NBDY: variants seen among roughly 807,000 people sequenced by gnomAD.
NBDY encodes P-body dissociating protein.
intron 2 of NBDY, among the ~76,000 whole-genome samples, chrX:56,791,036 C>T (rs1037266245): frequency 1.8e-5 from 2 of 112,381 alleles, no homozygotes; most frequent in African/African-American, 6.5e-5. Context: ...TGTGAAGCCA[C>T]GGAAGGCCAC....
At chrX:56,797,096 CTTCT>C (rs2069795887) in intron 2 of NBDY, among the ~76,000 whole-genome samples, 3 of 109,282 alleles carry the variant, frequency 2.7e-5, no homozygotes, top group African/African-American at 1.0e-4. Flanking sequence ...TCTCCTTCTT[CTTCT>C]TTTTCTTTCC....
At chrX:56,756,878 C>A (rs2069614121) in intron 2 of NBDY, among the ~76,000 whole-genome samples, 1 of 110,647 alleles carries the variant, frequency 9.0e-6, no homozygotes, top group African/African-American at 3.3e-5. Context: ...ATCACTTGAA[C>A]CAGGAGGCGG....
chrX:56,789,761 A>C (rs749335057), intron 2 of NBDY, among the ~76,000 whole-genome samples: 195 of 111,143 alleles, frequency 1.8e-3, no homozygotes, highest in Middle Eastern at 4.6e-3. Flanking sequence ...TCCTGGAGAG[A>C]GAGCCACTTG....
chrX:56,805,767 C>G (rs1334045554), intron 2 of NBDY, among the ~76,000 whole-genome samples: 4 of 112,042 alleles, frequency 3.6e-5, no homozygotes, highest in Non-Finnish European at 7.5e-5. Flanking sequence ...CCAATTCACT[C>G]TCATCCTCAT....
chrX:56,804,517 C>T (rs1306978112), intron 2 of NBDY, among the ~76,000 whole-genome samples: 1 of 112,339 alleles, frequency 8.9e-6, no homozygotes, highest in Non-Finnish European at 1.9e-5. Context: ...CCCCGGGCAT[C>T]TTAGTCATTC....
At position 56,817,642 on chromosome X, in the gene NBDY, C is replaced by G. The variant is rs1006102215; in HGVS notation, c.*489C>G. The G allele has an allele frequency of 1.1e-4, 12 of 112,095 alleles. No individual in the cohort carries two copies. The highest frequency in any genetic ancestry group is 3.9e-4 in the African/African-American group (12 of 30,887). 9.2% of individuals were successfully genotyped at this position (112,095 alleles called of 1,213,427 possible). A position where few individuals can be genotyped will look rare whatever the true frequency, so the allele number is the denominator to read the frequency against. ...TTAAGTAAATATTTTATAAGAACTCCTATGTAAAGCATTACTAAAATTAGT... is the reference window on the plus strand; with the variant it reads ...TTAAGTAAATATTTTATAAGAACTCGTATGTAAAGCATTACTAAAATTAGT... On this transcript the variant is annotated 3_prime_UTR_variant, in exon 3 of 3. Transcript: ENST00000374922.
chrX:56,805,812 T>C (rs765334556), intron 2 of NBDY, among the ~76,000 whole-genome samples: 19 of 112,009 alleles, frequency 1.7e-4, no homozygotes, highest in Non-Finnish European at 3.2e-4. Flanking sequence ...TTTTGGAGTT[T>C]TTCTCCCTTC....
rs1009528717 is a variant in NBDY, at chrX:56,811,804, G to GA, written c.*167-5507dup. Among the ~76,000 whole-genome samples the GA allele has an allele frequency of 1.0e-3, 114 of 108,971 alleles. 2 individuals are homozygous for GA. Among genetic ancestry groups the GA allele is most frequent in the Admixed American group, 8.2e-3 (84 of 10,292 alleles). 94.6% of individuals were successfully genotyped at this position (108,971 alleles called of 115,157 possible). ...GGACTTCTGAGTGCCACTGAGGCAT[G>GA]AAAAAAAAACAACTTTTGTGGCTAG... On this transcript the variant is annotated intron_variant, in intron 2 of 2. Coordinates refer to ENST00000374922, the MANE Select transcript of NBDY (RefSeq NM_001348129.2).
intron 2 of NBDY, among the ~76,000 whole-genome samples, chrX:56,799,769 C>G (rs1388789383): frequency 1.8e-5 from 2 of 112,469 alleles, no homozygotes; most frequent in Non-Finnish European, 3.8e-5. Context: ...ACAAAAAAAA[C>G]AAAGAAACAA....
At chrX:56,799,441 T>G (rs1430993473) in intron 2 of NBDY, among the ~76,000 whole-genome samples, 1 of 113,232 alleles carries the variant, frequency 8.8e-6, no homozygotes, top group Non-Finnish European at 1.9e-5. Flanking sequence ...GGCTGACTGG[T>G]CTTGGGGCTG....
chrX:56,763,350 A>G (rs1474764333), intron 2 of NBDY, among the ~76,000 whole-genome samples: 3 of 111,871 alleles, frequency 2.7e-5, no homozygotes, highest in Non-Finnish European at 5.6e-5. Context: ...AACCCAGGAC[A>G]GCCTGAGCAG....
chrX:56,732,322 A>G, intron 2 of NBDY, 123 bp downstream of exon 2: 1 of 278,625 alleles, frequency 3.6e-6, no homozygotes, highest in Non-Finnish European at 6.3e-6. Context: ...TTGAAACTAT[A>G]TTCTACATTA....
intron 1 of NBDY, among the ~76,000 whole-genome samples, chrX:56,729,909 T>C (rs2069448310): frequency 9.1e-6 from 1 of 110,132 alleles, no homozygotes; most frequent in Non-Finnish European, 1.9e-5. Flanking sequence ...TGCTCATGAG[T>C]TGATAATTTA....
chrX:56,794,034 A>G (rs1269347676), intron 2 of NBDY, among the ~76,000 whole-genome samples: 2 of 112,207 alleles, frequency 1.8e-5, no homozygotes, highest in Non-Finnish European at 3.8e-5. Context: ...TCCCTTATGC[A>G]CATCTCAAAA....
At chrX:56,784,907 A>G (rs1006247769) in intron 2 of NBDY, among the ~76,000 whole-genome samples, 1 of 112,558 alleles carries the variant, frequency 8.9e-6, no homozygotes, top group African/African-American at 3.2e-5. Flanking sequence ...TATGCTACCC[A>G]TGCCGCTCAG....
At chrX:56,754,556 C>T (rs2069600362) in intron 2 of NBDY, among the ~76,000 whole-genome samples, 1 of 111,815 alleles carries the variant, frequency 8.9e-6, no homozygotes, top group African/African-American at 3.3e-5. Context: ...ATCTAAAAAT[C>T]AATAACAGAG....
chrX:56,765,488 C>T (rs1276631374), intron 2 of NBDY, among the ~76,000 whole-genome samples: 1 of 111,772 alleles, frequency 8.9e-6, no homozygotes, highest in Non-Finnish European at 1.9e-5. Context: ...AATACCCCAT[C>T]AACAAGACGC....
chrX:56,756,223 A>G (rs2069610222), intron 2 of NBDY, among the ~76,000 whole-genome samples: 1 of 108,475 alleles, frequency 9.2e-6, no homozygotes, highest in Non-Finnish European at 1.9e-5. Flanking sequence ...GCACACCAGC[A>G]TGGCACATGT....
Position 56,783,665 on chromosome X carries a change from G to A in NBDY, c.*167-33655G>A, listed in dbSNP as rs557056616. ...TCCACCCAGTCCCGCACATTTTCGC[G>A]GATCTCTGTGCCTGGCAGAAGGCAA... On this transcript the variant is annotated intron_variant, in intron 2 of 2. Transcript: ENST00000374922. Among the ~76,000 whole-genome samples the A allele has an allele frequency of 9.8e-5, 11 of 112,326 alleles. No homozygotes were observed. The South Asian group carries it at 3.7e-3, about 38-fold the overall frequency.
Sources: allele counts gnomAD v4.1 joint callset (sites outside exome capture counted in the v4.1 genomes callset), GRCh38; gene constraint gnomAD v4.1.1; transcripts MANE v1.5; gene names NCBI Gene and HGNC (gene_info 2026-07-23, HGNC 2026-07-21).